Variants in CDH18 observed in about 807,000 individuals in gnomAD.
CDH18 encodes the protein cadherin-18.
In CDH18, 31 loss-of-function variants were observed where a neutral mutation model predicts 67.9. The observed-to-expected ratio is 0.46, with a 90% confidence interval of 0.34 to 0.62. The LOEUF (loss-of-function observed/expected upper bound fraction) is 0.62. Ranked by LOEUF, CDH18 falls within the 20% of genes least tolerant of loss-of-function variation. CDH18 has a pLI of 0.01. For missense variants in CDH18, 890 were observed against 975.5 expected, an observed-to-expected ratio of 0.91 and a Z score of 1.17; for synonymous variants, 362 against 347.2, an observed-to-expected ratio of 1.04 and a Z score of -0.48.
chr5:20,457,729 T>C (rs912194368), intron 1 of CDH18, among the ~76,000 whole-genome samples: 3 of 152,192 alleles, frequency 2.0e-5, no homozygotes, highest in African/African-American at 7.2e-5. Flanking sequence ...ATGAATTTAC[T>C]ATAAACAATG....
intron 2 of CDH18, among the ~76,000 whole-genome samples, chr5:19,961,844 G>T (rs1190350017): frequency 6.6e-6 from 1 of 151,576 alleles, no homozygotes; most frequent in Non-Finnish European, 1.5e-5. Flanking sequence ...AAAATAATTG[G>T]CCCTTAATCT....
chr5:20,027,823 GT>G (rs1440447377), intron 2 of CDH18, among the ~76,000 whole-genome samples: 14 of 152,178 alleles, frequency 9.2e-5, no homozygotes, highest in Admixed American at 2.0e-4. Flanking sequence ...TTAAGATAGG[GT>G]TGCTAAGCAT....
intron 2 of CDH18, among the ~76,000 whole-genome samples, chr5:19,870,926 A>C (rs1786196917): frequency 6.6e-6 from 1 of 152,168 alleles, no homozygotes; most frequent in Non-Finnish European, 1.5e-5. Context: ...CATAGCATAC[A>C]TTTTAGATTT....
At chr5:19,926,926 G>T (rs1233865747) in intron 2 of CDH18, among the ~76,000 whole-genome samples, 12 of 152,010 alleles carry the variant, frequency 7.9e-5, no homozygotes. Context: ...CTCAATGAAG[G>T]AGTCAAATAG....
intron 3 of CDH18, among the ~76,000 whole-genome samples, chr5:19,805,365 C>A (rs934844043): frequency 1.3e-5 from 2 of 152,194 alleles, no homozygotes; most frequent in Admixed American, 6.5e-5. Context: ...TCTACGCCCT[C>A]TGCAGAATTT....
intron 2 of CDH18, among the ~76,000 whole-genome samples, chr5:20,236,620 A>G (rs1742494408): frequency 6.6e-6 from 1 of 152,044 alleles, no homozygotes; most frequent in African/African-American, 2.4e-5. Context: ...GAAAGACAGA[A>G]ACTACCAAAT....
chr5:20,441,458 G>A (rs1359795612), intron 1 of CDH18, among the ~76,000 whole-genome samples: 1 of 151,072 alleles, frequency 6.6e-6, no homozygotes, highest in Non-Finnish European at 1.5e-5. Flanking sequence ...TCCCAAGAAG[G>A]CATTAGAACT....
intron 1 of CDH18, among the ~76,000 whole-genome samples, chr5:20,510,380 T>C (rs1209290969): frequency 6.6e-6 from 1 of 152,212 alleles, no homozygotes; most frequent in African/African-American, 2.4e-5. Flanking sequence ...CCCCTTCCTC[T>C]CTTGCTATGC....
chr5:20,104,048 T>A (rs1746707960), intron 2 of CDH18, among the ~76,000 whole-genome samples: 1 of 150,762 alleles, frequency 6.6e-6, no homozygotes, highest in Admixed American at 6.6e-5. Flanking sequence ...TGACTATAGA[T>A]GGTTATCTAT....
intron 1 of CDH18, among the ~76,000 whole-genome samples, chr5:20,415,528 C>T (rs1335863896): frequency 1.3e-5 from 2 of 152,128 alleles, no homozygotes; most frequent in East Asian, 3.9e-4. Flanking sequence ...AATCCCAGAA[C>T]TTTGGGAAGC....
At chr5:20,313,771 A>G (rs1737209599) in intron 1 of CDH18, among the ~76,000 whole-genome samples, 1 of 151,976 alleles carries the variant, frequency 6.6e-6, no homozygotes, top group Admixed American at 6.6e-5. Flanking sequence ...AAAAAACTAG[A>G]TATATGAATT....
At position 19,546,280 on chromosome 5, in the gene CDH18, T is replaced by C. The variant is rs368843500; in HGVS notation, c.1254-2275A>G. 3.3e-5 allele frequency among the ~76,000 whole-genome samples: 5 copies of C among 152,218 alleles called. No homozygotes were observed. In the East Asian group the frequency reaches 7.7e-4, roughly 23 times the overall value. ...AAAGACCATGAGTTAAGACAATTGA[T>C]TGATATCTTTTAATGAATGAACAGC... On this transcript the variant is annotated intron_variant, in intron 8 of 12. Coordinates refer to ENST00000382275, the MANE Select transcript of CDH18 (RefSeq NM_004934.5).
chr5:20,429,733 T>G lies in CDH18; in HGVS notation c.-580+145729A>C, dbSNP rs541016276. ...CTTAACATATGTGTTATTTTTGCAG[T>G]AAATGTGATATTCAAACATTAAAGT... On this transcript the variant is annotated intron_variant, in intron 1 of 14. Coordinates refer to the CDH18 transcript ENST00000507958. Among the ~76,000 whole-genome samples the G allele has an allele frequency of 5.3e-5, 8 of 152,278 alleles. No individual in the cohort carries two copies. In the South Asian group the frequency reaches 1.4e-3, roughly 28 times the overall value.
chr5:19,527,917 G>A (rs566689097), intron 9 of CDH18, among the ~76,000 whole-genome samples: 2 of 151,786 alleles, frequency 1.3e-5, no homozygotes, highest in East Asian at 1.9e-4. Context: ...TTACCTGAGA[G>A]TAACAGGAGT....
chr5:19,728,038 G>GA (rs1000828362), intron 4 of CDH18, among the ~76,000 whole-genome samples: 2 of 151,426 alleles, frequency 1.3e-5, no homozygotes, highest in African/African-American at 2.4e-5. Context: ...TAGTAGAAAA[G>GA]AAAAAAAATT....
At chr5:19,496,860 T>C (rs1366218490) in intron 11 of CDH18, among the ~76,000 whole-genome samples, 1 of 151,038 alleles carries the variant, frequency 6.6e-6, no homozygotes. Flanking sequence ...TTTTTTCTCT[T>C]CCACTGTCCT....
chr5:19,572,097 G>A (rs978836433), intron 7 of CDH18, among the ~76,000 whole-genome samples: 2 of 152,178 alleles, frequency 1.3e-5, no homozygotes, highest in Non-Finnish European at 2.9e-5. Context: ...TACAAACTCC[G>A]ATTCAGGAAT....
chr5:19,957,598 A>G lies in CDH18; in HGVS notation c.-257+23462T>C, dbSNP rs149505916. 2.3e-3 allele frequency among the ~76,000 whole-genome samples: 353 copies of G among 152,054 alleles called. 3 individuals carry two copies. Among genetic ancestry groups the G allele is most frequent in the African/African-American group, 7.9e-3 (326 of 41,498 alleles). On this transcript the variant is annotated intron_variant, in intron 2 of 12. Coordinates refer to ENST00000382275, the MANE Select transcript of CDH18 (RefSeq NM_004934.5). ...TTTAGTTATTGTTTATCACTTGGAA[A>G]TAAAATTTTGGGTACACTTAGAAAT...
At chr5:20,508,099 G>A (rs1407090487) in intron 1 of CDH18, among the ~76,000 whole-genome samples, 2 of 151,672 alleles carry the variant, frequency 1.3e-5, no homozygotes, top group Admixed American at 6.6e-5. Context: ...AAATAAGAGG[G>A]ACAAAATGTA....
Sources: gnomAD v4.1 joint callset for allele counts (sites outside exome capture counted in the v4.1 genomes callset) on GRCh38, gnomAD v4.1.1 for gene constraint, MANE v1.5 for transcripts, NCBI Gene and HGNC (gene_info 2026-07-23, HGNC 2026-07-21) for gene names.